TXNDC16: variants seen among roughly 807,000 people sequenced by gnomAD.
The protein encoded by TXNDC16 is thioredoxin domain-containing protein 16.
In TXNDC16, 74 loss-of-function variants were observed where a neutral mutation model predicts 85.6. The observed-to-expected ratio is 0.86, with a 90% CI of 0.72 to 1.05. The LOEUF (loss-of-function observed/expected upper bound fraction) is 1.05. Ranked by LOEUF, TXNDC16 falls within the 50% of genes least tolerant of loss-of-function variation. The pLI is 0.00. For synonymous variants in TXNDC16, 335 were observed against 326.5 expected (o/e 1.03, Z -0.28); for missense variants, 959 against 947.0 (o/e 1.01, Z -0.17).
chr14:52,503,177 C>CA (rs2036703168), intron 9 of TXNDC16, among the ~76,000 whole-genome samples: 1 of 152,164 alleles, frequency 6.6e-6, no homozygotes, highest in Non-Finnish European at 1.5e-5. Flanking sequence ...GAAAAGGCAG[C>CA]AAAAACCTCT....
chr14:52,531,594 T>C (rs923278302), intron 6 of TXNDC16, among the ~76,000 whole-genome samples: 2 of 152,148 alleles, frequency 1.3e-5, no homozygotes, highest in Non-Finnish European at 2.9e-5. Context: ...TCCAATTGTA[T>C]CACATCTGGA....
At chr14:52,439,864 T>A (rs771523052) in intron 19 of TXNDC16, among the ~76,000 whole-genome samples, 22 of 150,810 alleles carry the variant, frequency 1.5e-4, no homozygotes, top group Non-Finnish European at 2.7e-4. Context: ...TAGAAATAAT[T>A]ATGTTCATAC....
Position 52,491,012 on chromosome 14 carries a change from T to G in TXNDC16, c.757-7A>C. On this transcript the variant is annotated splice_region_variant and splice_polypyrimidine_tract_variant and intron_variant, in intron 9 of 20. Coordinates refer to ENST00000281741, the MANE Select transcript of TXNDC16 (RefSeq NM_020784.3). The stretch of plus-strand genomic sequence containing the variant: ...GATCTTCAGCAACTTCAGTCTTCAT[T>G]GAAAAAAAAAAAAAAAAAAGGTGTG... The G allele has an allele frequency of 9.5e-6, 13 of 1,369,924 alleles. No homozygotes were observed. Among genetic ancestry groups the G allele is most frequent in the Non-Finnish European group, 1.2e-5 (13 of 1,060,524 alleles). 84.9% of individuals were successfully genotyped at this position (1,369,924 alleles called of 1,614,324 possible).
chr14:52,546,146 G>T (rs758648002), intron 1 of TXNDC16, among the ~76,000 whole-genome samples: 2 of 152,008 alleles, frequency 1.3e-5, no homozygotes, highest in Non-Finnish European at 2.9e-5. Flanking sequence ...AAATTGCCAT[G>T]CATGGTGGCA....
intron 20 of TXNDC16, among the ~76,000 whole-genome samples, chr14:52,435,358 TACA>T (rs1396198877): frequency 6.6e-6 from 1 of 151,200 alleles, no homozygotes; most frequent in Non-Finnish European, 1.5e-5. Context: ...TCACTGCAGC[TACA>T]ACATGACAAT....
chr14:52,527,846 T>C (rs972617533), intron 6 of TXNDC16, among the ~76,000 whole-genome samples: 1 of 152,148 alleles, frequency 6.6e-6, no homozygotes, highest in African/African-American at 2.4e-5. Context: ...ACACCCCCTC[T>C]CCTATGTAAA....
chr14:52,543,446 T>G lies in TXNDC16; in HGVS notation c.112A>C (p.Ser38Arg), dbSNP rs774041538. ...GAGGCTTTTCCTGGTTGCAATGTAC[T>G]AAAATATTTCTGAGGACTCAGTTCT... is the stretch of plus-strand genomic sequence containing the variant. ...LPELSPQKYFSTLQPGKASLA... is the reference protein window; with the variant it reads ...LPELSPQKYFRTLQPGKASLA... The change falls in exon 3 of 21, where the codon AGT (serine) becomes CGT (arginine). Residue 38 changes from serine to arginine, a missense_variant. Ser to Arg is a moderately radical substitution (Grantham distance 110). Coordinates refer to ENST00000281741, the MANE Select transcript of TXNDC16 (RefSeq NM_020784.3). The G allele has an allele frequency of 1.2e-6, 2 of 1,613,318 alleles. No homozygotes were observed. The highest frequency in any genetic ancestry group is 2.2e-5 in the South Asian group (2 of 90,938).
intron 6 of TXNDC16, 127 bp from the exon 7 acceptor site, chr14:52,519,420 G>A: frequency 1.5e-6 from 1 of 676,480 alleles, no homozygotes. Flanking sequence ...TAGTAATAAT[G>A]TAAGCATTTT....
intron 20 of TXNDC16, among the ~76,000 whole-genome samples, chr14:52,435,822 A>G (rs1473764995): frequency 6.6e-6 from 1 of 151,972 alleles, no homozygotes; most frequent in Non-Finnish European, 1.5e-5. Context: ...AGACAAAAAC[A>G]AAAAAATGAA....
chr14:52,497,095 T>C (rs1303686632), intron 9 of TXNDC16, among the ~76,000 whole-genome samples: 1 of 152,114 alleles, frequency 6.6e-6, no homozygotes, highest in Non-Finnish European at 1.5e-5. Context: ...GGGGTACAAC[T>C]ACCAATATTT....
At position 52,537,527 on chromosome 14, in the gene TXNDC16, A is replaced by T; in HGVS notation, c.317+72T>A. On this transcript the variant is annotated intron_variant, in intron 5 of 20. Transcript: ENST00000281741. ...CATATGACTTTATTCTAGCTCAGTG[A>T]TATTTTACATATTTGAATATTCTAG... is the stretch of plus-strand genomic sequence containing the variant. The T allele has an allele frequency of 1.1e-5, 12 of 1,109,922 alleles. No individual in the cohort carries two copies. In the South Asian group the frequency reaches 1.6e-4, roughly 14 times the overall value. The allele number at this position is 1,109,922 out of a possible 1,614,324, so 68.8% of individuals were successfully genotyped here.
At position 52,503,763 on chromosome 14, in the gene TXNDC16, G is replaced by A. The variant is rs985804142; in HGVS notation, c.756+7477C>T. The stretch of plus-strand genomic sequence containing the variant: ...GAGTTGAGAGAAGAAGGCTTCAGAC[G>A]ATCAAACTACTCCGAGCTAAAGAAG... On this transcript the variant is annotated intron_variant, in intron 9 of 20. Coordinates refer to ENST00000281741, the MANE Select transcript of TXNDC16 (RefSeq NM_020784.3). Among the ~76,000 whole-genome samples, 14 of 152,080 alleles carry A rather than the reference G, an allele frequency of 9.2e-5. 1 individual carries two copies. The highest frequency in any genetic ancestry group is 1.9e-4 in the Non-Finnish European group (13 of 67,988).
rs372425501 is a variant in TXNDC16 at position 52,432,519 on chromosome 14, C to T, written c.2263G>A (p.Ala755Thr). Residue 755 changes from alanine to threonine, a missense_variant, in exon 21 of 21, where the codon GCA (alanine) becomes ACA (threonine). By Grantham distance (58) the Ala-to-Thr change is moderately conservative. Coordinates refer to ENST00000281741, the MANE Select transcript of TXNDC16 (RefSeq NM_020784.3). ...AYDFLSMIDA[A>T]TSQRGTRKVP... ...TTCCTAGTGCCACGTTGAGATGTTG[C>T]GGCATCTATCATACTTAGAAAATCA... The T allele has an allele frequency of 2.6e-5, 42 of 1,613,830 alleles. 1 individual carries two copies. The highest frequency in any genetic ancestry group is 6.7e-5 in the Admixed American group (4 of 59,990).
At chr14:52,443,983 G>A (rs1281172344) in intron 18 of TXNDC16, among the ~76,000 whole-genome samples, 1 of 151,732 alleles carries the variant, frequency 6.6e-6, no homozygotes, top group Non-Finnish European at 1.5e-5. Context: ...AAAAGACATA[G>A]CAAAAGAAGA....
intron 11 of TXNDC16, among the ~76,000 whole-genome samples, chr14:52,488,693 G>A (rs556934012): frequency 6.6e-6 from 1 of 151,958 alleles, no homozygotes; most frequent in Non-Finnish European, 1.5e-5. Flanking sequence ...AATTAGACTG[G>A]CGTGGTGGCG....
At chr14:52,537,387 C>T (rs2037728110) in intron 5 of TXNDC16, among the ~76,000 whole-genome samples, 1 of 152,132 alleles carries the variant, frequency 6.6e-6, no homozygotes, top group Non-Finnish European at 1.5e-5. Flanking sequence ...TCACAAACAA[C>T]CTTGTGATGT....
At chr14:52,529,835 T>C (rs1234379269) in intron 6 of TXNDC16, among the ~76,000 whole-genome samples, 3 of 110,706 alleles carry the variant, frequency 2.7e-5, no homozygotes, top group Admixed American at 2.3e-4. Flanking sequence ...GTATTATTAC[T>C]ATATATAATA....
chr14:52,486,211 A>C (rs1183727932), intron 12 of TXNDC16, among the ~76,000 whole-genome samples: 1 of 150,776 alleles, frequency 6.6e-6, no homozygotes, highest in Non-Finnish European at 1.5e-5. Flanking sequence ...TTGTACATTT[A>C]GTCACTCCTC....
chr14:52,544,834 G>A (rs2037908704), intron 1 of TXNDC16, among the ~76,000 whole-genome samples: 1 of 151,922 alleles, frequency 6.6e-6, no homozygotes, highest in South Asian at 2.1e-4. Context: ...AAAACTCAAA[G>A]TAAAATGAGA....
Sources: gnomAD v4.1 joint callset for allele counts (sites outside exome capture counted in the v4.1 genomes callset) on GRCh38, gnomAD v4.1.1 for gene constraint, MANE v1.5 for transcripts, NCBI Gene and HGNC (gene_info 2026-07-23, HGNC 2026-07-21) for gene names.